PTPRG: variants seen among roughly 807,000 people sequenced by gnomAD.
PTPRG encodes receptor-type tyrosine-protein phosphatase gamma.
PTPRG carries 102 observed loss-of-function variants against 165.3 expected under a neutral mutation model. The ratio of observed to expected loss-of-function variants is 0.62; its 90% CI spans 0.53 to 0.73. The LOEUF (loss-of-function observed/expected upper bound fraction) is 0.73. Ranked by LOEUF, PTPRG falls within the 30% of genes least tolerant of loss-of-function variation. The pLI, the probability that PTPRG is intolerant of heterozygous loss-of-function variation, is 0.00. For missense variants in PTPRG, 1,866 were observed against 1,861.4 expected (o/e 1.00, Z -0.05); for synonymous variants, 675 against 669.5 (o/e 1.01, Z -0.13).
intron 5 of PTPRG, among the ~76,000 whole-genome samples, chr3:62,122,191 G>C (rs191409505): frequency 6.6e-6 from 1 of 152,272 alleles, no homozygotes; most frequent in East Asian, 1.9e-4. Flanking sequence ...TGCTCCGACA[G>C]CTTTAACAGT....
At chr3:61,995,069 T>TC (rs1272646475) in intron 3 of PTPRG, among the ~76,000 whole-genome samples, 1 of 117,130 alleles carries the variant, frequency 8.5e-6, no homozygotes, top group East Asian at 2.1e-4. Context: ...TTTTTCTTTT[T>TC]TCTTTTCTTT....
intron 14 of PTPRG, among the ~76,000 whole-genome samples, 179 bp downstream of exon 14, chr3:62,231,490 T>C (rs1700901000): frequency 6.6e-6 from 1 of 152,206 alleles, no homozygotes; most frequent in African/African-American, 2.4e-5. Flanking sequence ...TGTGGGTAGC[T>C]GGTACCAATT....
chr3:62,259,852 G>C (rs1701640322), intron 16 of PTPRG, among the ~76,000 whole-genome samples: 1 of 152,142 alleles, frequency 6.6e-6, no homozygotes, highest in African/African-American at 2.4e-5. Context: ...GCAATAAGCA[G>C]GAAATCAAAT....
chr3:61,580,381 A>AT (rs36020375), intron 1 of PTPRG, among the ~76,000 whole-genome samples: 4,314 of 137,662 alleles, frequency 0.031, 187 homozygotes, highest in African/African-American at 0.097. Context: ...CTCTATTCTG[A>AT]TTTTTTTTTT....
At chr3:61,605,455 C>T (rs972186058) in intron 1 of PTPRG, among the ~76,000 whole-genome samples, 4 of 151,486 alleles carry the variant, frequency 2.6e-5, no homozygotes, top group Non-Finnish European at 5.9e-5. Context: ...GGGGTTTTGC[C>T]ATGTTGACTG....
At chr3:62,110,711 C>A (rs1032897897) in intron 5 of PTPRG, among the ~76,000 whole-genome samples, 2 of 152,170 alleles carry the variant, frequency 1.3e-5, no homozygotes, top group Admixed American at 6.5e-5. Context: ...GTATTCTGTT[C>A]TATACAATCC....
rs1700409399 is a variant in PTPRG, at chr3:62,213,237, G to C, written c.2156-5614G>C. Reference sequence around the variant, plus strand: ...AAAGAAAAGAATGAACATTTCTTGGGCACCTCCTCTGTGTCAGGCACTGTG... The same window carrying C: ...AAAGAAAAGAATGAACATTTCTTGGCCACCTCCTCTGTGTCAGGCACTGTG... On this transcript the variant is annotated intron_variant, in intron 12 of 29. Coordinates refer to ENST00000474889, the MANE Select transcript of PTPRG (RefSeq NM_002841.4). The surrounding 1 kb of genome is among the most constrained non-coding windows in gnomAD (Gnocchi z 4.4). Among the ~76,000 whole-genome samples the C allele has an allele frequency of 6.6e-6, 1 of 152,128 alleles. No individual in the cohort carries two copies. The highest frequency in any genetic ancestry group is 2.4e-5 in the African/African-American group (1 of 41,420).
chr3:61,851,279 C>T (rs942456187), intron 2 of PTPRG, among the ~76,000 whole-genome samples: 2 of 152,124 alleles, frequency 1.3e-5, no homozygotes, highest in Non-Finnish European at 2.9e-5. Context: ...AGAATCTAAT[C>T]AGAACTTTTT....
intron 1 of PTPRG, among the ~76,000 whole-genome samples, chr3:61,747,953 G>A (rs551958836): frequency 2.5e-4 from 38 of 152,258 alleles, no homozygotes; most frequent in Middle Eastern, 3.4e-3. Flanking sequence ...TCAGGTGTGG[G>A]CTCACAACAA....
At chr3:61,673,035 C>T (rs947312428) in intron 1 of PTPRG, among the ~76,000 whole-genome samples, 4 of 152,068 alleles carry the variant, frequency 2.6e-5, no homozygotes, top group South Asian at 2.1e-4. Context: ...GGTGCGTGCC[C>T]GTAGTCCTAG....
At chr3:62,215,172 T>C (rs182174275) in intron 12 of PTPRG, among the ~76,000 whole-genome samples, 2 of 152,184 alleles carry the variant, frequency 1.3e-5, no homozygotes, top group Non-Finnish European at 2.9e-5. Flanking sequence ...AGGGGTATCC[T>C]GAGGGCTATG....
chr3:61,863,782 T>G (rs1458932058), intron 2 of PTPRG, among the ~76,000 whole-genome samples: 2 of 152,186 alleles, frequency 1.3e-5, no homozygotes, highest in Non-Finnish European at 2.9e-5. Context: ...CCATTTAAGC[T>G]GGTCAAAGGT....
At chr3:61,771,430 T>A (rs572219425) in intron 2 of PTPRG, 1 of 152,186 alleles carries the variant, frequency 6.6e-6, no homozygotes. Flanking sequence ...ACTAATTTTA[T>A]ATTTCAGTGT....
At chr3:61,822,272 C>T (rs1243589744) in intron 2 of PTPRG, among the ~76,000 whole-genome samples, 1 of 152,162 alleles carries the variant, frequency 6.6e-6, no homozygotes, top group Non-Finnish European at 1.5e-5. Context: ...AGTGAGTAGC[C>T]GTTGGGTTTC....
intron 4 of PTPRG, among the ~76,000 whole-genome samples, chr3:62,055,212 A>G (rs1311743119): frequency 4.6e-5 from 7 of 152,248 alleles, no homozygotes; most frequent in Non-Finnish European, 2.9e-5. Flanking sequence ...AGCAGTAATT[A>G]ATATAGGACT....
In PTPRG at chr3:61,575,842, CT is replaced by C. The variant is rs200690619; in HGVS notation, c.85+13471del. 1.0e-2 allele frequency among the ~76,000 whole-genome samples: 1,519 copies of C among 152,264 alleles called. 24 individuals carry two copies. Among genetic ancestry groups the C allele is most frequent in the African/African-American group, 0.035 (1,434 of 41,516 alleles). On this transcript the variant is annotated intron_variant, in intron 1 of 29. Coordinates refer to ENST00000474889, the MANE Select transcript of PTPRG (RefSeq NM_002841.4). ...GCCAGGCTGGTCTCGAACTCCTGAA[CT>C]CAGGTGATGTGCCTTCATCGGCCTT...
Position 61,893,850 on chromosome 3 carries a change from G to A in PTPRG, c.191-95775G>A, listed in dbSNP as rs543620259. 1.3e-4 allele frequency among the ~76,000 whole-genome samples: 20 copies of A among 152,314 alleles called. No individual in the cohort carries two copies. The South Asian group carries it at 4.1e-3, about 32-fold the overall frequency. ...TTTATGCAAACAACTCTTAAAGGAT[G>A]TATCTTTCAAACATTTCTTTGGTGC... On this transcript the variant is annotated intron_variant, in intron 2 of 29. Transcript: ENST00000474889.
chr3:61,614,805 CAGT>C (rs553264087), intron 1 of PTPRG, among the ~76,000 whole-genome samples: 69 of 152,282 alleles, frequency 4.5e-4, no homozygotes, highest in African/African-American at 1.6e-3. Context: ...GCTTTGAGCT[CAGT>C]AGCACTGTAT....
chr3:61,882,012 G>T (rs1018165424), intron 2 of PTPRG, among the ~76,000 whole-genome samples: 1 of 152,170 alleles, frequency 6.6e-6, no homozygotes, highest in South Asian at 2.1e-4. Flanking sequence ...CATGCTGGGG[G>T]TAAGAGCTTA....
Sources: gnomAD v4.1 joint callset for allele counts (sites outside exome capture counted in the v4.1 genomes callset) on GRCh38, gnomAD v4.1.1 for gene constraint, Gnocchi (gnomAD v3.1) non-coding constraint, MANE v1.5 for transcripts, NCBI Gene and HGNC (gene_info 2026-07-23, HGNC 2026-07-21) for gene names.